CNBD1: variants seen among roughly 807,000 people sequenced by gnomAD.
The protein encoded by CNBD1 is cyclic nucleotide binding domain containing 1, also known as cyclic nucleotide-binding domain-containing protein 1.
In CNBD1, 71 loss-of-function variants were observed where a neutral mutation model predicts 54.4. The ratio of observed to expected loss-of-function variants is 1.30; its 90% CI spans 1.08 to 1.59. The LOEUF is 1.59. CNBD1 is among the 40% of genes most tolerant of loss of function. CNBD1 has a pLI of 0.00. For missense variants in CNBD1, 659 were observed against 518.0 expected (o/e 1.27, Z -2.64); for synonymous variants, 182 against 170.7 (o/e 1.07, Z -0.51).
intron 4 of CNBD1, among the ~76,000 whole-genome samples, chr8:87,194,693 C>A (rs542915752): frequency 6.6e-6 from 1 of 151,838 alleles, no homozygotes; most frequent in South Asian, 2.1e-4. Context: ...ATTTTAATTC[C>A]ATTTTAAATG....
intron 2 of CNBD1, among the ~76,000 whole-genome samples, chr8:86,895,501 T>C (rs530813737): frequency 6.6e-6 from 1 of 152,280 alleles, no homozygotes; most frequent in Admixed American, 6.5e-5. Context: ...TATGATAAGC[T>C]TATGCTTAGC....
intron 5 of CNBD1, among the ~76,000 whole-genome samples, chr8:87,218,524 G>A (rs1195227391): frequency 6.6e-6 from 1 of 151,672 alleles, no homozygotes; most frequent in Non-Finnish European, 1.5e-5. Flanking sequence ...CCTGGTAAAG[G>A]GTATTCTATT....
intron 10 of CNBD1, among the ~76,000 whole-genome samples, chr8:87,365,060 G>C (rs1810615429): frequency 6.6e-6 from 1 of 151,952 alleles, no homozygotes; most frequent in African/African-American, 2.4e-5. Context: ...TCTTTGAGGG[G>C]TTGCCACACT....
chr8:86,964,943 G>A (rs1477090830), intron 4 of CNBD1, among the ~76,000 whole-genome samples: 2 of 152,150 alleles, frequency 1.3e-5, no homozygotes, highest in African/African-American at 4.8e-5. Flanking sequence ...ATTTGCCCTC[G>A]TGTTTATGGA....
chr8:86,977,939 G>C (rs1334534160), intron 4 of CNBD1, among the ~76,000 whole-genome samples: 1 of 152,026 alleles, frequency 6.6e-6, no homozygotes, highest in Non-Finnish European at 1.5e-5. Context: ...ATAAAAGGAA[G>C]CTACAGGCAA....
In CNBD1 at chr8:87,089,179, G is replaced by A. The variant is rs141474660; in HGVS notation, c.432-116814G>A. On this transcript the variant is annotated intron_variant, in intron 4 of 10. Transcript: ENST00000518476. ...GATGGATCTATGAAGTGAAGTCAATGGAATTAGAGATTGAAAAAAGGGTAA... is the reference window on the plus strand; with the variant it reads ...GATGGATCTATGAAGTGAAGTCAATAGAATTAGAGATTGAAAAAAGGGTAA... Among the ~76,000 whole-genome samples the A allele has an allele frequency of 5.3e-5, 8 of 152,178 alleles. No homozygotes were observed. In the East Asian group the frequency reaches 1.5e-3, roughly 29 times the overall value.
intron 10 of CNBD1, among the ~76,000 whole-genome samples, chr8:87,366,097 T>A (rs1418246610): frequency 6.6e-6 from 1 of 152,092 alleles, no homozygotes; most frequent in East Asian, 1.9e-4. Context: ...TGTGTATTAA[T>A]TTCCTTTTGC....
At chr8:87,011,972 C>T (rs1000804412) in intron 4 of CNBD1, among the ~76,000 whole-genome samples, 2 of 152,102 alleles carry the variant, frequency 1.3e-5, no homozygotes, top group Admixed American at 1.3e-4. Context: ...TGTATAAATA[C>T]AAAACAATTT....
At chr8:86,991,655 G>GTTTAGT (rs1808751247) in intron 4 of CNBD1, among the ~76,000 whole-genome samples, 2 of 152,050 alleles carry the variant, frequency 1.3e-5, no homozygotes, top group Non-Finnish European at 2.9e-5. Context: ...AAGGTGTTTA[G>GTTTAGT]TTCTGTAAAC....
intron 4 of CNBD1, among the ~76,000 whole-genome samples, chr8:87,129,502 G>A (rs1030368913): frequency 2.0e-5 from 3 of 151,952 alleles, no homozygotes; most frequent in African/African-American, 7.3e-5. Flanking sequence ...TCTGCTGAGA[G>A]GTTTATTTGT....
At chr8:87,277,187 T>G (rs1808500762) in intron 6 of CNBD1, among the ~76,000 whole-genome samples, 1 of 151,580 alleles carries the variant, frequency 6.6e-6, no homozygotes, top group Non-Finnish European at 1.5e-5. Flanking sequence ...GATGTCCAAG[T>G]TTCAGTATGA....
At chr8:87,273,431 C>G (rs987424191) in intron 6 of CNBD1, among the ~76,000 whole-genome samples, 1 of 151,896 alleles carries the variant, frequency 6.6e-6, no homozygotes, top group Non-Finnish European at 1.5e-5. Context: ...TTGTTCCAGT[C>G]AATGCTGAAG....
chr8:87,192,570 T>G (rs951520316), intron 4 of CNBD1, among the ~76,000 whole-genome samples: 1 of 152,186 alleles, frequency 6.6e-6, no homozygotes, highest in African/African-American at 2.4e-5. Context: ...GCTTTCTCAT[T>G]TAAAAAGGAG....
At chr8:86,884,088 C>A (rs550614085) in intron 1 of CNBD1, among the ~76,000 whole-genome samples, 1 of 151,186 alleles carries the variant, frequency 6.6e-6, no homozygotes, top group Non-Finnish European at 1.5e-5. Context: ...GGAGGCGGAG[C>A]TTGCAGTGAG....
intron 3 of CNBD1, among the ~76,000 whole-genome samples, chr8:86,925,709 C>G (rs1809347296): frequency 1.4e-5 from 2 of 143,076 alleles, no homozygotes; most frequent in Non-Finnish European, 3.0e-5. Context: ...GGTGAAACAC[C>G]CTCTCTACTG....
At chr8:87,317,349 T>C (rs1304734886) in intron 8 of CNBD1, among the ~76,000 whole-genome samples, 2 of 151,780 alleles carry the variant, frequency 1.3e-5, no homozygotes, top group Admixed American at 1.3e-4. Context: ...CTGCTTTTGA[T>C]GTATACACAC....
At chr8:87,333,608 C>A (rs749843058) in intron 8 of CNBD1, among the ~76,000 whole-genome samples, 1 of 152,022 alleles carries the variant, frequency 6.6e-6, no homozygotes, top group Admixed American at 6.6e-5. Context: ...TTATTGAAGG[C>A]CTTTTCTGTA....
At chr8:87,422,490 A>C (rs936755002) in intron 2 of CNBD1, among the ~76,000 whole-genome samples, 2 of 151,612 alleles carry the variant, frequency 1.3e-5, no homozygotes, top group African/African-American at 4.9e-5. Flanking sequence ...CTTTCTACAT[A>C]TGGCTAGCCA....
At chr8:87,014,862 A>G (rs1401673816) in intron 4 of CNBD1, among the ~76,000 whole-genome samples, 2 of 152,000 alleles carry the variant, frequency 1.3e-5, no homozygotes, top group African/African-American at 2.4e-5. Flanking sequence ...TTTTTGGTAA[A>G]GAATGTAAAA....
Sources: gnomAD v4.1 joint callset for allele counts (sites outside exome capture counted in the v4.1 genomes callset) on GRCh38, gnomAD v4.1.1 for gene constraint, MANE v1.5 for transcripts, NCBI Gene and HGNC (gene_info 2026-07-23, HGNC 2026-07-21) for gene names.